ZEB2: variants seen among roughly 807,000 people sequenced by gnomAD.
ZEB2 encodes the protein zinc finger E-box binding homeobox 2.
Under a neutral mutation model 99.9 loss-of-function variants are expected in ZEB2, and 6 were observed. The observed-to-expected ratio is 0.06, with a 90% CI of 0.03 to 0.12. The LOEUF (loss-of-function observed/expected upper bound fraction) is 0.12. ZEB2 is among the 10% of genes least tolerant of loss of function. The pLI is 1.00. For synonymous variants in ZEB2, 517 were observed against 542.5 expected (o/e 0.95, Z 0.65); for missense variants, 969 against 1,502.8 (o/e 0.64, Z 5.87).
At chr2:144,512,651 A>G in intron 2 of ZEB2, 2 of 1,287,244 alleles carry the variant, frequency 1.6e-6, no homozygotes, top group Non-Finnish European at 2.0e-6. Flanking sequence ...GCCCACCCTT[A>G]GTCCTGGTGG....
At chr2:144,464,550 G>T (rs1352606072) in intron 2 of ZEB2, among the ~76,000 whole-genome samples, 1 of 152,038 alleles carries the variant, frequency 6.6e-6, no homozygotes, top group African/African-American at 2.4e-5. Flanking sequence ...CTATAAAAGG[G>T]TTTAAATACT....
chr2:144,432,550 T>C (rs1014411689), intron 2 of ZEB2, among the ~76,000 whole-genome samples: 8 of 152,144 alleles, frequency 5.3e-5, no homozygotes, highest in African/African-American at 1.4e-4. Flanking sequence ...AGATGGACTT[T>C]GCACTTCCTG....
intron 2 of ZEB2, among the ~76,000 whole-genome samples, chr2:144,456,438 T>C (rs1259172866): frequency 7.2e-5 from 11 of 152,144 alleles, no homozygotes; most frequent in Non-Finnish European, 4.4e-5. Context: ...GATTCTTTCA[T>C]TTCAATTTTC....
chr2:144,392,705 C>T (rs112694215), intron 9 of ZEB2, among the ~76,000 whole-genome samples: 13 of 152,268 alleles, frequency 8.5e-5, no homozygotes, highest in African/African-American at 2.9e-4. Flanking sequence ...GGACATTCAT[C>T]TCTTTTTAAC....
In ZEB2 at chr2:144,396,560, C is replaced by T; in HGVS notation, c.2919G>A (p.Met973Ile). ...GELLDGAQDY[M>I]SGLDDMTDSD... is the part of the protein sequence containing the mutation. ...AGTCTGTCATATCATCTAGGCCTGA[C>T]ATGTAGTCTTGTGCTCCATCAAGCA... is the stretch of plus-strand genomic sequence containing the variant. Residue 973 changes from methionine to isoleucine, a missense_variant, in exon 9 of 10, where the codon ATG becomes ATA. By Grantham distance (10) the Met-to-Ile change is conservative. Around this residue, in one of 8 missense-constraint regions of ZEB2, gnomAD observed 346 missense variants for 460.0 expected, o/e 0.75. Transcript: ENST00000627532. 6.2e-7 allele frequency: 1 copy of T among 1,613,974 alleles called. No homozygotes were observed. Among genetic ancestry groups the T allele is most frequent in the African/African-American group, 1.3e-5 (1 of 75,022 alleles).
chr2:144,389,619 C>T lies in ZEB2; in HGVS notation c.3477G>A (p.Glu1159=), dbSNP rs746943217. The change falls in exon 10 of 10, where the codon GAG becomes GAA. Residue 1159 remains glutamate (E), a synonymous_variant. Coordinates refer to ENST00000627532, the MANE Select transcript of ZEB2 (RefSeq NM_014795.4). This position sits in a 1 kb window ranked among gnomAD's most constrained non-coding sequence, Gnocchi z 6.8. ...CACTTTCTTCCTCTTCCTCCTCGAA[C>T]TCCTCGTCGCCATCCTGTCTGCCCA... ...GKLGRQDGDE[E]FEEEEEESEN... The T allele has an allele frequency of 6.2e-6, 10 of 1,614,096 alleles. No individual in the cohort carries two copies. The South Asian group carries it at 1.1e-4, about 18-fold the overall frequency.
In ZEB2 at chr2:144,388,806, A is replaced by C. The variant is rs1342115986; in HGVS notation, c.*645T>G. On this transcript the variant is annotated 3_prime_UTR_variant, in exon 10 of 10. Coordinates refer to ENST00000627532, the MANE Select transcript of ZEB2 (RefSeq NM_014795.4). This position sits in a 1 kb window ranked among gnomAD's most constrained non-coding sequence, Gnocchi z 5.4. ...CTTACAAAGGCTTTCTTTATTTCTC[A>C]TCTTACTTTTTCCTTCACGTCCAGG... 1 of 435,266 alleles carries C rather than the reference A, an allele frequency of 2.3e-6. No homozygotes were observed. The highest frequency in any genetic ancestry group is 2.1e-5 in the African/African-American group (1 of 47,440). The allele number at this position is 435,266 out of a possible 1,614,324, so 27.0% of individuals were successfully genotyped here. A position where few individuals can be genotyped will look rare whatever the true frequency, so the allele number is the denominator to read the frequency against.
Position 144,386,083 on chromosome 2 carries a change from A to T in ZEB2, c.*3368T>A, listed in dbSNP as rs937412653. The T allele has an allele frequency of 6.6e-6, 1 of 152,194 alleles. No homozygotes were observed. Among genetic ancestry groups the T allele is most frequent in the African/African-American group, 2.4e-5 (1 of 41,442 alleles). 9.4% of individuals were successfully genotyped at this position (152,194 alleles called of 1,614,324 possible). A position where few individuals can be genotyped will look rare whatever the true frequency, so the allele number is the denominator to read the frequency against. On this transcript the variant is annotated 3_prime_UTR_variant, in exon 10 of 10. Transcript: ENST00000627532. ...GATTGCACAGATATGCTAGAATACA[A>T]AAGGCTCTTGGAGAAAATGGGCAGG... is the stretch of plus-strand genomic sequence containing the variant.
intron 2 of ZEB2, among the ~76,000 whole-genome samples, chr2:144,435,141 C>G (rs190179427): frequency 6.6e-6 from 1 of 152,182 alleles, no homozygotes; most frequent in Non-Finnish European, 1.5e-5. Flanking sequence ...TGAACTTGTG[C>G]CAGTCACAAT....
chr2:144,405,178 C>A (rs1292930240), intron 4 of ZEB2, 154 bp from the exon 5 acceptor site: 15 of 796,872 alleles, frequency 1.9e-5, no homozygotes, highest in Non-Finnish European at 2.9e-5. Flanking sequence ...CGATTATTGA[C>A]TGAATGCTTA....
At chr2:144,437,038 A>C (rs1703848590) in intron 2 of ZEB2, among the ~76,000 whole-genome samples, 1 of 152,156 alleles carries the variant, frequency 6.6e-6, no homozygotes, top group Non-Finnish European at 1.5e-5. Flanking sequence ...CTTAACTCCT[A>C]CCAAAGGAAA....
chr2:144,389,687 C>G lies in ZEB2; in HGVS notation c.3409G>C (p.Glu1137Gln), dbSNP rs730881205. The G allele has an allele frequency of 6.2e-7, 1 of 1,613,980 alleles. No individual in the cohort carries two copies. Among genetic ancestry groups the G allele is most frequent in the African/African-American group, 1.3e-5 (1 of 74,914 alleles). ...TCGCCTTCTTTCTCGTGCTCCTTCT[C>G]GCTCTCGCCATCCCTCGGCATACTC... ...RESMPRDGES[E>Q]KEHEKEGEDG... The change falls in exon 10 of 10, where the codon GAG becomes CAG. Residue 1137 changes from glutamate (E) to glutamine (Q), a missense_variant. Glu to Gln is a conservative substitution (Grantham distance 29). Around this residue, in one of 8 missense-constraint regions of ZEB2, gnomAD observed 121 missense variants for 166.4 expected, o/e 0.73. Transcript: ENST00000627532. This position sits in a 1 kb window ranked among gnomAD's most constrained non-coding sequence, Gnocchi z 6.8.
At chr2:144,435,906 C>T (rs572179671) in intron 2 of ZEB2, among the ~76,000 whole-genome samples, 21 of 151,152 alleles carry the variant, frequency 1.4e-4, no homozygotes, top group Middle Eastern at 3.4e-3. Context: ...CTTGCCCATC[C>T]GGGGGGATTT....
rs1253158859 is a variant in ZEB2 at position 144,502,332 on chromosome 2, AT to A, written c.73+14945del. ...TGAAAAAGGAGTATTCTGGCAGCAGATTTTTTTTTTCATAAAGTTATTCCAG... is the reference window on the plus strand; with the variant it reads ...TGAAAAAGGAGTATTCTGGCAGCAGATTTTTTTTTCATAAAGTTATTCCAG... On this transcript the variant is annotated intron_variant, in intron 2 of 9. Coordinates refer to ENST00000627532, the MANE Select transcript of ZEB2 (RefSeq NM_014795.4). Among the ~76,000 whole-genome samples the A allele has an allele frequency of 9.3e-5, 14 of 150,738 alleles. No homozygotes were observed. The South Asian group carries it at 1.5e-3, about 16-fold the overall frequency.
intron 2 of ZEB2, among the ~76,000 whole-genome samples, chr2:144,445,513 A>C (rs1342019124): frequency 6.6e-6 from 1 of 152,020 alleles, no homozygotes; most frequent in Non-Finnish European, 1.5e-5. Context: ...TTACCTGCTT[A>C]GTTAAGCTGA....
chr2:144,407,142 C>T (rs537290398), intron 4 of ZEB2, among the ~76,000 whole-genome samples: 1 of 152,300 alleles, frequency 6.6e-6, no homozygotes, highest in Admixed American at 6.5e-5. Context: ...GGGAGAATTA[C>T]ACTATGTGGA....
rs1265537253 is a variant in ZEB2 at position 144,476,515 on chromosome 2, C to G, written c.73+40763G>C. Among the ~76,000 whole-genome samples the G allele has an allele frequency of 2.6e-5, 4 of 152,192 alleles. No homozygotes were observed. The South Asian group carries it at 6.2e-4, about 24-fold the overall frequency. On this transcript the variant is annotated intron_variant, in intron 2 of 9. Coordinates refer to ENST00000627532, the MANE Select transcript of ZEB2 (RefSeq NM_014795.4). Reference sequence around the variant, plus strand: ...AGAATGCTCTTTCTCATCATTCAAACTAGAAGATCAGGAACACTGGGCACC... The same window carrying G: ...AGAATGCTCTTTCTCATCATTCAAAGTAGAAGATCAGGAACACTGGGCACC...
chr2:144,444,654 C>T (rs981026354), intron 2 of ZEB2, among the ~76,000 whole-genome samples: 1 of 152,172 alleles, frequency 6.6e-6, no homozygotes, highest in African/African-American at 2.4e-5. Context: ...CCCCTCTGTG[C>T]CTGTATCCTT....
At chr2:144,458,048 T>C (rs1484514761) in intron 2 of ZEB2, among the ~76,000 whole-genome samples, 1 of 152,102 alleles carries the variant, frequency 6.6e-6, no homozygotes, top group Non-Finnish European at 1.5e-5. Flanking sequence ...ACATGCCTTA[T>C]GCTACAGAAA....
Sources: allele counts gnomAD v4.1 joint callset (sites outside exome capture counted in the v4.1 genomes callset), GRCh38; gene constraint gnomAD v4.1.1; regional missense constraint gnomAD v4.1.1; non-coding constraint Gnocchi (gnomAD v3.1); transcripts MANE v1.5; gene names NCBI Gene and HGNC (gene_info 2026-07-23, HGNC 2026-07-21).